Variants in PAPSS1 observed in about 807,000 individuals in gnomAD.
The protein encoded by PAPSS1 is bifunctional 3'-phosphoadenosine 5'-phosphosulfate synthase 1.
PAPSS1 carries 50 observed loss-of-function variants against 72.0 expected under a neutral mutation model. The ratio of observed to expected loss-of-function variants is 0.69; its 90% CI spans 0.55 to 0.88. The LOEUF (loss-of-function observed/expected upper bound fraction) is 0.88, where lower values mean the gene tolerates loss of function less well. PAPSS1 is among the 40% of genes least tolerant of loss of function. PAPSS1 has a pLI of 0.00. For missense variants in PAPSS1, 657 were observed against 782.2 expected (o/e 0.84, Z 1.91); for synonymous variants, 261 against 263.6 (o/e 0.99, Z 0.09).
intron 5 of PAPSS1, among the ~76,000 whole-genome samples, chr4:107,678,665 G>T (rs1210722118): frequency 6.6e-6 from 1 of 151,936 alleles, no homozygotes; most frequent in Non-Finnish European, 1.5e-5. Flanking sequence ...AGTACAATGG[G>T]GGACCGGGGG....
At chr4:107,693,457 G>A (rs1722994126) in intron 3 of PAPSS1, among the ~76,000 whole-genome samples, 2 of 152,238 alleles carry the variant, frequency 1.3e-5, no homozygotes, top group South Asian at 4.1e-4. Flanking sequence ...CATCTGTCAA[G>A]TATTCACTAT....
At chr4:107,626,286 AT>A (rs1222072153) in intron 11 of PAPSS1, among the ~76,000 whole-genome samples, 2 of 152,022 alleles carry the variant, frequency 1.3e-5, no homozygotes, top group Non-Finnish European at 2.9e-5. Context: ...CTGCCCATTC[AT>A]TTACCCATTT....
Position 107,654,839 on chromosome 4 carries a change from C to A in PAPSS1, c.957G>T (p.Arg319Ser). Residue 319 changes from arginine (R) to serine (S), a missense_variant, in exon 8 of 12, where the codon AGG becomes AGT. Transcript: ENST00000265174. The part of the protein sequence containing the change: ...VLTATHEDKE[R>S]LDGCTAFALM... ...GAGCAAATGCTGTACAGCCGTCCAG[C>A]CTCTCTTTATCTTCATGAGTCGCAG... The A allele has an allele frequency of 1.2e-6, 2 of 1,614,008 alleles. No individual in the cohort carries two copies. Among genetic ancestry groups the A allele is most frequent in the African/African-American group, 1.3e-5 (1 of 75,012 alleles).
At chr4:107,635,033 T>C (rs188078305) in intron 10 of PAPSS1, among the ~76,000 whole-genome samples, 1,963 of 152,098 alleles carry the variant, frequency 0.013, 26 homozygotes, top group South Asian at 0.052. Flanking sequence ...CTCCTGACCT[T>C]GTGATCCGCC....
rs541672588 is a variant in PAPSS1 at position 107,709,163 on chromosome 4, T to C, written c.61-7878A>G. On this transcript the variant is annotated intron_variant, in intron 1 of 11. Coordinates refer to ENST00000265174, the MANE Select transcript of PAPSS1 (RefSeq NM_005443.5). ...TTAAATTTAATTCAGCTAAAGTTTT[T>C]AACAATATTTTTCATATTAAAAAAT... 2.6e-5 allele frequency among the ~76,000 whole-genome samples: 4 copies of C among 152,332 alleles called. No individual in the cohort carries two copies. In the South Asian group the frequency reaches 8.3e-4, roughly 32 times the overall value.
chr4:107,714,907 C>G (rs1299727016), intron 1 of PAPSS1, among the ~76,000 whole-genome samples: 1 of 152,128 alleles, frequency 6.6e-6, no homozygotes, highest in Non-Finnish European at 1.5e-5. Flanking sequence ...GGACATGCTA[C>G]CAGAAGCCAG....
intron 3 of PAPSS1, among the ~76,000 whole-genome samples, chr4:107,688,449 T>C (rs1460935202): frequency 1.3e-5 from 2 of 152,160 alleles, no homozygotes; most frequent in African/African-American, 4.8e-5. Flanking sequence ...GAGTGAGATC[T>C]TGTCTCTAAA....
intron 5 of PAPSS1, among the ~76,000 whole-genome samples, chr4:107,676,346 C>T (rs1727649487): frequency 6.6e-6 from 1 of 152,138 alleles, no homozygotes; most frequent in Non-Finnish European, 1.5e-5. Flanking sequence ...TCTCAGGATA[C>T]AAAATCAATG....
At chr4:107,668,031 T>G (rs1015261923) in intron 5 of PAPSS1, among the ~76,000 whole-genome samples, 2 of 152,130 alleles carry the variant, frequency 1.3e-5, no homozygotes, top group African/African-American at 4.8e-5. Context: ...CCAACTACAG[T>G]TAGGGAACAA....
intron 5 of PAPSS1, among the ~76,000 whole-genome samples, chr4:107,671,353 C>T (rs1727462421): frequency 6.7e-6 from 1 of 150,374 alleles, no homozygotes; most frequent in Non-Finnish European, 1.5e-5. Flanking sequence ...CCAAAGGACA[C>T]TATTCTAAAT....
intron 6 of PAPSS1, among the ~76,000 whole-genome samples, chr4:107,658,518 CTTATCG>C (rs1417445809): frequency 6.6e-6 from 1 of 152,128 alleles, no homozygotes; most frequent in African/African-American, 2.4e-5. Context: ...GAACAATGTA[CTTATCG>C]TTAATGTAAG....
chr4:107,656,619 G>A (rs1307885234), intron 7 of PAPSS1, among the ~76,000 whole-genome samples: 1 of 152,124 alleles, frequency 6.6e-6, no homozygotes, highest in Non-Finnish European at 1.5e-5. Flanking sequence ...GGCAAAAACA[G>A]CACAGAATAA....
intron 1 of PAPSS1, among the ~76,000 whole-genome samples, chr4:107,705,910 A>G (rs1300977609): frequency 6.6e-6 from 1 of 152,146 alleles, no homozygotes; most frequent in Non-Finnish European, 1.5e-5. Context: ...TGTGTTTGTG[A>G]ATTACAGCAT....
At chr4:107,648,322 T>C (rs1047193073) in intron 9 of PAPSS1, among the ~76,000 whole-genome samples, 3 of 152,198 alleles carry the variant, frequency 2.0e-5, no homozygotes, top group African/African-American at 4.8e-5. Context: ...TCTAGAGGCG[T>C]TGCCAGCAAG....
At chr4:107,629,464 C>T (rs374100001) in intron 11 of PAPSS1, among the ~76,000 whole-genome samples, 1 of 152,192 alleles carries the variant, frequency 6.6e-6, no homozygotes, top group Non-Finnish European at 1.5e-5. Context: ...TTGGCTTACA[C>T]GATTCTGACT....
intron 11 of PAPSS1, among the ~76,000 whole-genome samples, chr4:107,621,427 C>A (rs1725950813): frequency 6.6e-6 from 1 of 151,964 alleles, no homozygotes; most frequent in Admixed American, 6.6e-5. Flanking sequence ...GTATTGGTGA[C>A]ATAGGTGTTA....
chr4:107,688,746 C>T (rs1027237924), intron 3 of PAPSS1, among the ~76,000 whole-genome samples: 8 of 152,168 alleles, frequency 5.3e-5, no homozygotes, highest in Non-Finnish European at 8.8e-5. Flanking sequence ...TAAACTACAA[C>T]ACATACATCA....
chr4:107,674,431 A>G (rs1468368524), intron 5 of PAPSS1, among the ~76,000 whole-genome samples: 1 of 152,240 alleles, frequency 6.6e-6, no homozygotes, highest in Non-Finnish European at 1.5e-5. Context: ...CAAAAGAGAC[A>G]AAGAAGGTCA....
intron 1 of PAPSS1, among the ~76,000 whole-genome samples, chr4:107,702,400 ATTG>A (rs973353899): frequency 4.6e-5 from 7 of 152,340 alleles, no homozygotes; most frequent in South Asian, 2.1e-4. Flanking sequence ...TCAGAAATAC[ATTG>A]TTATTATCAT....
Sources: allele counts gnomAD v4.1 joint callset (sites outside exome capture counted in the v4.1 genomes callset), GRCh38; gene constraint gnomAD v4.1.1; transcripts MANE v1.5; gene names NCBI Gene and HGNC (gene_info 2026-07-23, HGNC 2026-07-21).